The following SORBS2 variants were observed in gnomAD, a reference collection of about 807,000 sequenced individuals.
SORBS2 encodes the protein sorbin and SH3 domain containing 2.
Under a neutral mutation model 97.7 loss-of-function variants are expected in SORBS2, and 46 were observed. The observed-to-expected ratio is 0.47, with a 90% CI of 0.37 to 0.60. SORBS2 has a LOEUF of 0.60. Ranked by LOEUF, SORBS2 falls within the 20% of genes least tolerant of loss-of-function variation. The pLI is 0.00. For missense variants in SORBS2, 1,316 were observed against 1,282.3 expected (o/e 1.03, Z -0.40); for synonymous variants, 476 against 473.4 (o/e 1.01, Z -0.07).
chr4:185,761,608 T>G (rs1029431089), intron 2 of SORBS2: 1 of 152,228 alleles, frequency 6.6e-6, no homozygotes, highest in Non-Finnish European at 1.5e-5. Flanking sequence ...TGAAGAAGAA[T>G]GATCTTATAT....
chr4:185,741,752 T>A (rs1387653217), intron 2 of SORBS2, among the ~76,000 whole-genome samples: 5 of 151,668 alleles, frequency 3.3e-5, no homozygotes, highest in South Asian at 2.1e-4. Flanking sequence ...AAAATACATT[T>A]AAAAAAAAAT....
chr4:185,796,447 C>T (rs1436426771), intron 1 of SORBS2, among the ~76,000 whole-genome samples: 1 of 151,582 alleles, frequency 6.6e-6, no homozygotes, highest in Non-Finnish European at 1.5e-5. Context: ...ATCCATCGCT[C>T]CATGCCTGGG....
At chr4:185,873,120 C>T (rs535518982) in intron 1 of SORBS2, among the ~76,000 whole-genome samples, 13 of 152,324 alleles carry the variant, frequency 8.5e-5, no homozygotes, top group African/African-American at 2.9e-4. Context: ...AACGTGTTTT[C>T]CCCAACAACT....
intron 1 of SORBS2, among the ~76,000 whole-genome samples, chr4:185,896,426 A>T (rs971091889): frequency 6.6e-6 from 1 of 152,124 alleles, no homozygotes; most frequent in African/African-American, 2.4e-5. Context: ...TCTACTAAAA[A>T]TGCAAAAATT....
intron 1 of SORBS2, among the ~76,000 whole-genome samples, chr4:185,937,206 A>G (rs538434076): frequency 1.4e-4 from 22 of 151,784 alleles, no homozygotes; most frequent in African/African-American, 5.1e-4. Flanking sequence ...TGAGTGCTTC[A>G]CGAGAACTGG....
chr4:185,886,661 A>T (rs2099239828), intron 1 of SORBS2, among the ~76,000 whole-genome samples: 1 of 152,080 alleles, frequency 6.6e-6, no homozygotes, highest in Non-Finnish European at 1.5e-5. Flanking sequence ...TCAATCTGGA[A>T]CATGGGATTC....
chr4:185,928,753 A>G (rs991055261), intron 1 of SORBS2, among the ~76,000 whole-genome samples: 3 of 152,208 alleles, frequency 2.0e-5, no homozygotes, highest in South Asian at 4.2e-4. Flanking sequence ...TCACCGTGTT[A>G]GCCAGGATGG....
At chr4:185,854,954 G>C (rs1051805541) in intron 1 of SORBS2, among the ~76,000 whole-genome samples, 1 of 152,016 alleles carries the variant, frequency 6.6e-6, no homozygotes, top group Non-Finnish European at 1.5e-5. Flanking sequence ...CTTAAAATAA[G>C]AGCATTTTAT....
chr4:185,791,890 T>A (rs1228946467), intron 1 of SORBS2, among the ~76,000 whole-genome samples: 1 of 152,172 alleles, frequency 6.6e-6, no homozygotes, highest in Non-Finnish European at 1.5e-5. Flanking sequence ...GAGCTAATCA[T>A]TCTTAATCCA....
At chr4:185,743,885 C>T (rs928758457) in intron 2 of SORBS2, among the ~76,000 whole-genome samples, 2 of 143,578 alleles carry the variant, frequency 1.4e-5, no homozygotes, top group Non-Finnish European at 1.5e-5. Context: ...CCTCTTTCTC[C>T]TCCTCCTTCT....
At chr4:185,914,397 G>C (rs1478294491) in intron 1 of SORBS2, among the ~76,000 whole-genome samples, 1 of 152,076 alleles carries the variant, frequency 6.6e-6, no homozygotes, top group African/African-American at 2.4e-5. Context: ...TGTACAGACT[G>C]TTTTCATTAT....
chr4:185,872,700 A>G (rs1200852850), intron 1 of SORBS2, among the ~76,000 whole-genome samples: 1 of 152,218 alleles, frequency 6.6e-6, no homozygotes, highest in Non-Finnish European at 1.5e-5. Flanking sequence ...GGAAGAGAAA[A>G]AGAGAAATGT....
At position 185,873,815 on chromosome 4, in the gene SORBS2, T is replaced by C. The variant is rs377761315; in HGVS notation, c.-338+82381A>G. Among the ~76,000 whole-genome samples, 27 of 152,338 alleles carry C rather than the reference T, an allele frequency of 1.8e-4. No homozygotes were observed. The East Asian group carries it at 3.5e-3, about 20-fold the overall frequency. On this transcript the variant is annotated intron_variant, in intron 1 of 20. Transcript: ENST00000284776. ...TTAACTATTCTATTAAAGAGGACTA[T>C]TGTATGCAGACATAAAAATATAACA...
chr4:185,693,541 G>C (rs761162687), intron 2 of SORBS2, among the ~76,000 whole-genome samples: 24 of 152,118 alleles, frequency 1.6e-4, no homozygotes, highest in Non-Finnish European at 3.1e-4. Context: ...AAACAAGAAG[G>C]GATAAACAAC....
chr4:185,725,639 C>T (rs930494087), intron 2 of SORBS2, among the ~76,000 whole-genome samples: 1 of 152,128 alleles, frequency 6.6e-6, no homozygotes, highest in Non-Finnish European at 1.5e-5. Context: ...TTTGTTTTTG[C>T]TGTTGTTCAT....
At position 185,899,455 on chromosome 4, in the gene SORBS2, A is replaced by G. The variant is rs1434444428; in HGVS notation, c.-338+56741T>C. The stretch of plus-strand genomic sequence containing the variant: ...TTTATTTTTATTTTTTTTAAGAGAC[A>G]GGGTCTCACTCTTTCACCCAGGGTG... On this transcript the variant is annotated intron_variant, in intron 1 of 20. Coordinates refer to the SORBS2 transcript ENST00000284776. Among the ~76,000 whole-genome samples the G allele has an allele frequency of 2.0e-5, 3 of 152,070 alleles. No individual in the cohort carries two copies. The East Asian group carries it at 5.8e-4, about 29-fold the overall frequency.
intron 4 of SORBS2, among the ~76,000 whole-genome samples, chr4:185,678,137 G>C (rs531479988): frequency 6.6e-6 from 1 of 152,172 alleles, no homozygotes; most frequent in Non-Finnish European, 1.5e-5. Context: ...TAAATCCAAA[G>C]CATCAGCTGT....
chr4:185,660,432 G>A (rs943100929), upstream of SORBS2, among the ~76,000 whole-genome samples: 10 of 152,052 alleles, frequency 6.6e-5, no homozygotes, highest in Non-Finnish European at 4.4e-5. Flanking sequence ...GCAAAATTTC[G>A]GCATAAACCA....
At chr4:185,895,152 C>A (rs1283077241) in intron 1 of SORBS2, among the ~76,000 whole-genome samples, 1 of 152,228 alleles carries the variant, frequency 6.6e-6, no homozygotes, top group East Asian at 1.9e-4. Context: ...CCACCGGGGG[C>A]CAAAATTCTC....
Sources: allele counts gnomAD v4.1 joint callset (sites outside exome capture counted in the v4.1 genomes callset), GRCh38; gene constraint gnomAD v4.1.1; transcripts MANE v1.5; gene names NCBI Gene and HGNC (gene_info 2026-07-23, HGNC 2026-07-21).